Variants in UBE2E1 observed in about 807,000 individuals in gnomAD.
UBE2E1 encodes ubiquitin-conjugating enzyme E2 E1.
A neutral mutation model predicts 21.4 loss-of-function variants in UBE2E1; 6 were observed. The observed-to-expected ratio is 0.28, with a 90% CI of 0.15 to 0.55. UBE2E1 has a LOEUF of 0.55. Ranked by LOEUF, UBE2E1 falls within the 20% of genes least tolerant of loss-of-function variation. The pLI is 0.93. For missense variants in UBE2E1, 142 were observed against 236.5 expected (o/e 0.60, Z 2.62); for synonymous variants, 87 against 82.7 (o/e 1.05, Z -0.28).
intron 3 of UBE2E1, among the ~76,000 whole-genome samples, chr3:23,859,244 T>G (rs1364666553): frequency 6.6e-6 from 1 of 152,214 alleles, no homozygotes; most frequent in African/African-American, 2.4e-5. Flanking sequence ...GTTTAATCCT[T>G]GACCTACTTT....
chr3:23,850,048 T>G (rs1451225451), intron 3 of UBE2E1, among the ~76,000 whole-genome samples: 2 of 152,232 alleles, frequency 1.3e-5, no homozygotes, highest in Non-Finnish European at 1.5e-5. Context: ...TTGGGTATCT[T>G]CATTGGATCA....
At chr3:23,879,467 A>G in intron 3 of UBE2E1, 1 of 379,484 alleles carries the variant, frequency 2.6e-6, no homozygotes, top group Admixed American at 3.1e-5. Context: ...ACTGGACAGG[A>G]TAGAAGTGTG....
rs998154378 is a variant in UBE2E1, at chr3:23,831,689, T to C, written c.203+20179T>C. Among the ~76,000 whole-genome samples, 6 of 85,518 alleles carry C rather than the reference T, an allele frequency of 7.0e-5. No individual in the cohort carries two copies. In the East Asian group the frequency reaches 1.4e-3, roughly 20 times the overall value. 56.1% of individuals were successfully genotyped at this position (85,518 alleles called of 152,430 possible). On this transcript the variant is annotated intron_variant, in intron 3 of 5. Coordinates refer to ENST00000306627, the MANE Select transcript of UBE2E1 (RefSeq NM_003341.5). Reference sequence around the variant, plus strand: ...ACGTGCTACCACACCCAGCTAAGTTTTGTATTTCTTTTTTTTTTTTTCTGT... The same window carrying C: ...ACGTGCTACCACACCCAGCTAAGTTCTGTATTTCTTTTTTTTTTTTTCTGT...
chr3:23,873,269 T>A (rs550755972), intron 3 of UBE2E1, among the ~76,000 whole-genome samples: 68 of 152,306 alleles, frequency 4.5e-4, no homozygotes, highest in African/African-American at 1.5e-3. Flanking sequence ...GAAAGGGTCT[T>A]GGGAGAACTG....
At chr3:23,881,431 C>T (rs954002009) in intron 3 of UBE2E1, among the ~76,000 whole-genome samples, 2 of 152,224 alleles carry the variant, frequency 1.3e-5, no homozygotes, top group African/African-American at 4.8e-5. Flanking sequence ...ATGGTCTCTT[C>T]ACTTCCTCAG....
rs1701289939 is a variant in UBE2E1, at chr3:23,889,451, A to T, written c.484+192A>T. The T allele has an allele frequency of 4.2e-6, 6 of 1,421,778 alleles. No homozygotes were observed. The South Asian group carries it at 9.4e-5, about 22-fold the overall frequency. The allele number at this position is 1,421,778 out of a possible 1,614,324, so 88.1% of individuals were successfully genotyped here. A position where few individuals can be genotyped will look rare whatever the true frequency, so the allele number is the denominator to read the frequency against. On this transcript the variant is annotated intron_variant, in intron 5 of 5. Transcript: ENST00000306627. ...GACACACAACTTCATTAATCAGTAT[A>T]TTCTAGCAACAAGGTATTTTAAACT... is the stretch of plus-strand genomic sequence containing the variant.
rs532167886 is a variant in UBE2E1 at position 23,809,388 on chromosome 3, G to T, written c.152+1967G>T. On this transcript the variant is annotated intron_variant, in intron 2 of 5. Coordinates refer to ENST00000306627, the MANE Select transcript of UBE2E1 (RefSeq NM_003341.5). ...AGGTGTTGCCCATAGAATTGGAAGG[G>T]GCACATTCACCAGGAGTAGGAGTGA... Among the ~76,000 whole-genome samples the T allele has an allele frequency of 2.3e-4, 35 of 152,228 alleles. 1 individual carries two copies. In the South Asian group the frequency reaches 7.3e-3, roughly 32 times the overall value.
At chr3:23,890,394 G>C in intron 5 of UBE2E1, 115 bp from the exon 6 acceptor site, 3 of 872,978 alleles carry the variant, frequency 3.4e-6, no homozygotes, top group Non-Finnish European at 5.1e-6. Context: ...GTGTTTCGAA[G>C]ATGGGTTTGA....
intron 5 of UBE2E1, 94 bp from the exon 6 acceptor site, chr3:23,890,415 T>C (rs960914395): frequency 1.4e-5 from 16 of 1,170,948 alleles, no homozygotes; most frequent in Middle Eastern, 2.0e-4. Flanking sequence ...TCACACATAC[T>C]TTGTCGTACG....
At chr3:23,825,926 C>T (rs1321441788) in intron 3 of UBE2E1, among the ~76,000 whole-genome samples, 3 of 152,074 alleles carry the variant, frequency 2.0e-5, no homozygotes, top group Admixed American at 1.3e-4. Flanking sequence ...CTATATTCCC[C>T]GCTGTTAGGA....
intron 3 of UBE2E1, among the ~76,000 whole-genome samples, chr3:23,878,479 C>G (rs1394372218): frequency 6.6e-6 from 1 of 152,196 alleles, no homozygotes; most frequent in Non-Finnish European, 1.5e-5. Flanking sequence ...CGTACTGGTC[C>G]CTGGCCCATT....
At chr3:23,852,085 C>T (rs138220713) in intron 3 of UBE2E1, among the ~76,000 whole-genome samples, 342 of 152,298 alleles carry the variant, frequency 2.2e-3, no homozygotes, top group Non-Finnish European at 3.6e-3. Flanking sequence ...TCATCTTCTG[C>T]CATGAGTGGA....
intron 3 of UBE2E1, among the ~76,000 whole-genome samples, chr3:23,827,404 CTG>C (rs774567776): frequency 2.0e-5 from 3 of 152,150 alleles, no homozygotes; most frequent in Admixed American, 2.0e-4. Context: ...TTGCTTCACA[CTG>C]TGTGCGGTGG....
chr3:23,889,640 T>G (rs370208018), intron 5 of UBE2E1: 15 of 985,294 alleles, frequency 1.5e-5, no homozygotes, highest in African/African-American at 3.5e-5. Flanking sequence ...TGGGGTTCAG[T>G]GAGCATGTGT....
intron 3 of UBE2E1, among the ~76,000 whole-genome samples, chr3:23,860,937 G>C (rs1347991866): frequency 6.6e-6 from 1 of 152,184 alleles, no homozygotes; most frequent in Non-Finnish European, 1.5e-5. Context: ...AAACAGACAA[G>C]GAGATATATA....
At chr3:23,844,788 T>G (rs1020803431) in intron 3 of UBE2E1, among the ~76,000 whole-genome samples, 2 of 152,158 alleles carry the variant, frequency 1.3e-5, no homozygotes, top group Admixed American at 6.5e-5. Context: ...GTGTTATGCG[T>G]GGGAGATGGG....
rs1452636153 is a variant in UBE2E1, at chr3:23,876,933, A to G, written c.204-10634A>G. Among the ~76,000 whole-genome samples, 2 of 152,154 alleles carry G rather than the reference A, an allele frequency of 1.3e-5. No homozygotes were observed. The highest frequency in any genetic ancestry group is 2.4e-5 in the African/African-American group (1 of 41,410). On this transcript the variant is annotated intron_variant, in intron 3 of 5. Transcript: ENST00000306627. This position sits in a 1 kb window ranked among gnomAD's most constrained non-coding sequence, Gnocchi z 4.3. The stretch of plus-strand genomic sequence containing the variant: ...GTGATGCACGCCTGTAATCCTAGCA[A>G]CTCAGGAGGCTGAGATGGAAGGATC...
At chr3:23,807,726 A>C (rs1039734240) in intron 2 of UBE2E1, 1 of 234,250 alleles carries the variant, frequency 4.3e-6, no homozygotes, top group African/African-American at 2.3e-5. Context: ...CTAATGGTTA[A>C]TCTGTGACCT....
intron 3 of UBE2E1, among the ~76,000 whole-genome samples, chr3:23,832,956 C>G (rs1326522102): frequency 1.3e-5 from 2 of 152,202 alleles, no homozygotes; most frequent in East Asian, 3.9e-4. Context: ...ATTGCTTGAG[C>G]CCAGGAGATT....
Sources: gnomAD v4.1 joint callset for allele counts (sites outside exome capture counted in the v4.1 genomes callset) on GRCh38, gnomAD v4.1.1 for gene constraint, Gnocchi (gnomAD v3.1) non-coding constraint, MANE v1.5 for transcripts, NCBI Gene and HGNC (gene_info 2026-07-23, HGNC 2026-07-21) for gene names.